Variants in DMD observed in about 807,000 individuals in gnomAD.
DMD encodes the protein mutant dystrophin.
DMD carries 63 observed loss-of-function variants against 330.1 expected under a neutral mutation model. The observed-to-expected ratio is 0.19, with a 90% CI of 0.16 to 0.24. The LOEUF is 0.24. DMD is among the 10% of genes least tolerant of loss of function. DMD has a pLI of 1.00. For synonymous variants in DMD, 1,223 were observed against 959.8 expected (o/e 1.27, Z -5.07); for missense variants, 3,344 against 2,684.1 (o/e 1.25, Z -5.43).
chrX:31,289,268 A>AT (rs2053488041), intron 62 of DMD, among the ~76,000 whole-genome samples: 1 of 87,461 alleles, frequency 1.1e-5, no homozygotes, highest in Non-Finnish European at 2.2e-5. Flanking sequence ...AAAAAAAATA[A>AT]AAAATAAAAT....
chrX:32,460,072 AAC>A (rs934116276), intron 25 of DMD, among the ~76,000 whole-genome samples: 19 of 110,592 alleles, frequency 1.7e-4, no homozygotes, highest in Admixed American at 4.8e-4. Flanking sequence ...AAATAATCTG[AAC>A]AGTTATTTCC....
At chrX:31,261,278 G>C in intron 62 of DMD, 1 of 340,431 alleles carries the variant, frequency 2.9e-6, no homozygotes, top group South Asian at 3.9e-5. Context: ...CCCACAAATC[G>C]ATCGCACTTC....
intron 7 of DMD, 102 bp from the exon 8 acceptor site, chrX:32,699,395 G>T: frequency 1.5e-6 from 1 of 675,004 alleles, no homozygotes; most frequent in East Asian, 3.3e-5. Context: ...ATAGATTAAT[G>T]AACAGTGAAT....
chrX:32,638,498 A>C (rs1001129143), intron 11 of DMD, among the ~76,000 whole-genome samples: 4 of 112,092 alleles, frequency 3.6e-5, no homozygotes, highest in African/African-American at 1.3e-4. Flanking sequence ...TTCTGTATAT[A>C]TCAGAATGAG....
intron 44 of DMD, among the ~76,000 whole-genome samples, chrX:31,973,896 G>T (rs1312631039): frequency 1.8e-5 from 2 of 111,473 alleles, no homozygotes; most frequent in African/African-American, 3.3e-5. Context: ...CGGCACTACA[G>T]ATTCAACTTT....
chrX:32,452,859 G>A (rs1451660688), intron 26 of DMD, among the ~76,000 whole-genome samples: 4 of 111,095 alleles, frequency 3.6e-5, no homozygotes, highest in Admixed American at 1.9e-4. Flanking sequence ...AGACTTATCT[G>A]AGGTAATTTT....
At chrX:31,886,481 A>G (rs12688441) in intron 47 of DMD, among the ~76,000 whole-genome samples, 2 of 112,232 alleles carry the variant, frequency 1.8e-5, no homozygotes, top group East Asian at 5.6e-4. Context: ...TACTCAATTA[A>G]AAAGGATAAT....
At chrX:32,973,237 T>C (rs900989541) in intron 2 of DMD, among the ~76,000 whole-genome samples, 2 of 112,338 alleles carry the variant, frequency 1.8e-5, no homozygotes, top group African/African-American at 6.5e-5. Flanking sequence ...TGATTTTAAA[T>C]TTAATCATTT....
intron 7 of DMD, among the ~76,000 whole-genome samples, chrX:32,711,036 A>G (rs1401984000): frequency 8.9e-6 from 1 of 111,815 alleles, no homozygotes; most frequent in Non-Finnish European, 1.9e-5. Context: ...ACTCCCTTTG[A>G]CTAGATATTA....
chrX:32,122,604 C>G (rs1267426314), intron 44 of DMD, among the ~76,000 whole-genome samples: 1 of 111,246 alleles, frequency 9.0e-6, no homozygotes, highest in African/African-American at 3.3e-5. Context: ...TCTCTGTGCC[C>G]CCTGCCCACC....
intron 48 of DMD, among the ~76,000 whole-genome samples, chrX:31,857,891 C>T: frequency 9.1e-6 from 1 of 110,039 alleles, no homozygotes; most frequent in Non-Finnish European, 1.9e-5. Context: ...GAATCACATA[C>T]TGATTCATTC....
Position 32,389,564 on chromosome X carries a change from C to G in DMD, c.4455G>C (p.Leu1485Phe). The G allele has an allele frequency of 8.3e-7, 1 of 1,210,617 alleles. No individual in the cohort carries two copies. The highest frequency in any genetic ancestry group is 1.1e-6 in the Non-Finnish European group (1 of 894,559). The change falls in exon 32 of 79, where the codon TTG becomes TTC. Residue 1485 changes from leucine to phenylalanine, a missense_variant. Leu to Phe is a conservative substitution (Grantham distance 22, BLOSUM62 0). Transcript: ENST00000357033. Reference protein sequence around the residue: ...KMILDEVKMHLPALETKSVEQ... With the variant: ...KMILDEVKMHFPALETKSVEQ... The stretch of plus-strand genomic sequence containing the variant: ...CCACACTCTTTGTTTCCAATGCAGG[C>G]AAGTGCATCTTCACTTCATCTAAAA...
At chrX:31,220,938 T>C (rs113206691) in intron 64 of DMD, among the ~76,000 whole-genome samples, 124 of 95,187 alleles carry the variant, frequency 1.3e-3, no homozygotes, top group African/African-American at 4.8e-3. Flanking sequence ...TCAGCTACCG[T>C]TAGCGTTAGT....
At chrX:32,268,310 A>C (rs1170432997) in intron 43 of DMD, among the ~76,000 whole-genome samples, 2 of 111,603 alleles carry the variant, frequency 1.8e-5, no homozygotes, top group African/African-American at 3.3e-5. Flanking sequence ...CTACAACCAC[A>C]TGCAAAAACA....
intron 6 of DMD, among the ~76,000 whole-genome samples, chrX:32,812,742 A>C (rs6628738): frequency 0.31 from 34,004 of 111,424 alleles, 3,802 homozygotes; most frequent in East Asian, 0.64. Context: ...ATCCCTCCAT[A>C]TTTTCCAATA....
chrX:32,734,571 C>T (rs1396213891), intron 7 of DMD, among the ~76,000 whole-genome samples: 5 of 103,552 alleles, frequency 4.8e-5, no homozygotes, highest in African/African-American at 1.9e-4. Flanking sequence ...CCACCATGAT[C>T]AAGTGGGCTT....
At chrX:31,413,782 G>C (rs1163306576) in intron 60 of DMD, among the ~76,000 whole-genome samples, 1 of 109,507 alleles carries the variant, frequency 9.1e-6, no homozygotes, top group Non-Finnish European at 1.9e-5. Context: ...ATTGTGAGCA[G>C]CCACGTAAAA....
chrX:32,133,639 G>A (rs2096710404), intron 44 of DMD, among the ~76,000 whole-genome samples: 1 of 111,023 alleles, frequency 9.0e-6, no homozygotes, highest in African/African-American at 3.3e-5. Flanking sequence ...ATCCCTTCCA[G>A]TTAATCAGAG....
chrX:32,612,332 A>G (rs900086854), intron 12 of DMD, among the ~76,000 whole-genome samples: 18 of 111,944 alleles, frequency 1.6e-4, no homozygotes, highest in African/African-American at 4.9e-4. Context: ...TCTGCACCAG[A>G]AATACCCTCC....
Sources: allele counts gnomAD v4.1 joint callset (sites outside exome capture counted in the v4.1 genomes callset), GRCh38; gene constraint gnomAD v4.1.1; transcripts MANE v1.5; gene names NCBI Gene and HGNC (gene_info 2026-07-23, HGNC 2026-07-21).